The following RCOR1 variants were observed in gnomAD, a reference collection of about 807,000 sequenced individuals.
RCOR1 encodes the protein REST corepressor 1.
Under a neutral mutation model 64.0 loss-of-function variants are expected in RCOR1, and 12 were observed. The ratio of observed to expected loss-of-function variants is 0.19; its 90% confidence interval spans 0.12 to 0.30. RCOR1 has a LOEUF of 0.30. Among genes scored for constraint, RCOR1 ranks in the 10% least tolerant of loss-of-function variants. The pLI, the probability that RCOR1 is intolerant of heterozygous loss-of-function variation, is 1.00. For missense variants in RCOR1, 502 were observed against 621.2 expected, an observed-to-expected ratio of 0.81 and a Z score of 2.04; for synonymous variants, 279 against 227.2, an observed-to-expected ratio of 1.23 and a Z score of -2.05.
At position 102,593,433 on chromosome 14, in the gene RCOR1, G is replaced by A. The variant is rs1475349312; in HGVS notation, c.361+108G>A. 6.7e-6 allele frequency: 8 copies of A among 1,194,158 alleles called. No homozygotes were observed. The African/African-American group carries it at 1.1e-4, about 17-fold the overall frequency. 74.0% of individuals were successfully genotyped at this position (1,194,158 alleles called of 1,614,324 possible). A position where few individuals can be genotyped will look rare whatever the true frequency, so the allele number is the denominator to read the frequency against. ...CCGACAACTTTCTTTTTGTGCGTTC[G>A]CCCTGCCGTCCGTGGGGAGAACAGC... On this transcript the variant is annotated intron_variant, in intron 2 of 11. Coordinates refer to ENST00000262241, the MANE Select transcript of RCOR1 (RefSeq NM_015156.4).
intron 2 of RCOR1, among the ~76,000 whole-genome samples, chr14:102,661,256 G>A (rs1894818575): frequency 6.6e-6 from 1 of 152,192 alleles, no homozygotes; most frequent in Non-Finnish European, 1.5e-5. Flanking sequence ...TCCAAGGTGG[G>A]AGGATTGCCT....
At chr14:102,672,299 A>G (rs1008117418) in intron 2 of RCOR1, among the ~76,000 whole-genome samples, 4 of 151,462 alleles carry the variant, frequency 2.6e-5, no homozygotes, top group African/African-American at 9.7e-5. Context: ...TGCAAGCTCC[A>G]CCTCCTGTTA....
rs1394679865 is a variant in RCOR1, at chr14:102,684,002, G to T, written c.445+2024G>T. On this transcript the variant is annotated intron_variant, in intron 3 of 11. Transcript: ENST00000262241. ...AGCAGCCCTCTCCGCCCCAGCCCCC[G>T]CAGCTCTGACCGTATCCCGCCTCTC... is the stretch of plus-strand genomic sequence containing the variant. Among the ~76,000 whole-genome samples the T allele has an allele frequency of 2.6e-5, 4 of 152,296 alleles. 1 individual carries two copies. In the South Asian group the frequency reaches 6.2e-4, roughly 24 times the overall value.
chr14:102,657,902 T>C lies in RCOR1; in HGVS notation c.362-23993T>C, dbSNP rs183528266. The stretch of plus-strand genomic sequence containing the variant: ...AAACTTGGAACAGGCCAGTTTCCCA[T>C]TATATTGCCTCTCTGAAACAAGTGA... On this transcript the variant is annotated intron_variant, in intron 2 of 11. Coordinates refer to ENST00000262241, the MANE Select transcript of RCOR1 (RefSeq NM_015156.4). 24 of 984,200 alleles carry C rather than the reference T, an allele frequency of 2.4e-5. No individual in the cohort carries two copies. In the East Asian group the frequency reaches 2.5e-3, roughly 103 times the overall value. 61.0% of individuals were successfully genotyped at this position (984,200 alleles called of 1,614,324 possible).
Position 102,714,606 on chromosome 14 carries a change from G to C in RCOR1, c.1042G>C (p.Val348Leu). 1 of 1,607,442 alleles carries C rather than the reference G, an allele frequency of 6.2e-7. No individual in the cohort carries two copies. Among genetic ancestry groups the C allele is most frequent in the East Asian group, 2.2e-5 (1 of 44,806 alleles). The part of the protein sequence containing the change: ...LRQLDMELVS[V>L]KRQIQNIKQT... ...ACAACTAGACATGGAATTGGTTTCAGTCAAACGACAGGTACTCATAAGCCT... is the reference window on the plus strand; with the variant it reads ...ACAACTAGACATGGAATTGGTTTCACTCAAACGACAGGTACTCATAAGCCT... Residue 348 changes from valine (V) to leucine (L), a missense_variant, in exon 8 of 12, where the codon GTC becomes CTC. By Grantham distance (32) the Val-to-Leu change is conservative. Coordinates refer to ENST00000262241, the MANE Select transcript of RCOR1 (RefSeq NM_015156.4).
chr14:102,610,846 G>A (rs2139889331), intron 2 of RCOR1, among the ~76,000 whole-genome samples: 1 of 152,210 alleles, frequency 6.6e-6, no homozygotes, highest in South Asian at 2.1e-4. Context: ...GAGCCACCGT[G>A]CCCAGCCCAA....
rs146413445 is a variant in RCOR1 at position 102,687,998 on chromosome 14, G to T, written c.445+6020G>T. Among the ~76,000 whole-genome samples, 85 of 144,292 alleles carry T rather than the reference G, an allele frequency of 5.9e-4. 2 individuals are homozygous for T. In the East Asian group the frequency reaches 0.015, roughly 26 times the overall value. The allele number at this position is 144,292 out of a possible 152,430, so 94.7% of individuals were successfully genotyped here. A position where few individuals can be genotyped will look rare whatever the true frequency, so the allele number is the denominator to read the frequency against. On this transcript the variant is annotated intron_variant, in intron 3 of 11. Transcript: ENST00000262241. ...TTTTTTTTTTTGAGATAGAGGTCTC[G>T]CTCTGTTGCCCATGCTGGAGTACAG... is the stretch of plus-strand genomic sequence containing the variant.
chr14:102,674,954 C>T (rs556723392), intron 2 of RCOR1, among the ~76,000 whole-genome samples: 1 of 145,408 alleles, frequency 6.9e-6, no homozygotes, highest in Non-Finnish European at 1.5e-5. Context: ...CAGCTACAGG[C>T]TGGGGCAGGA....
At chr14:102,610,093 G>T (rs1392057467) in intron 2 of RCOR1, among the ~76,000 whole-genome samples, 1 of 151,306 alleles carries the variant, frequency 6.6e-6, no homozygotes, top group African/African-American at 2.4e-5. Flanking sequence ...TTGCGCCATT[G>T]CGCTCCAGCC....
intron 2 of RCOR1, among the ~76,000 whole-genome samples, chr14:102,603,628 CT>C (rs890391762): frequency 3.3e-5 from 5 of 150,824 alleles, no homozygotes; most frequent in South Asian, 2.1e-4. Context: ...TGCTATTTTT[CT>C]TTTTTTTCCC....
chr14:102,655,110 CTTTTTTTTTTTT>C (rs67404203), intron 2 of RCOR1: 75 of 104,536 alleles, frequency 7.2e-4, no homozygotes, highest in Non-Finnish European at 8.6e-4. Context: ...CGCGGACAAC[CTTTTTTTTTTTT>C]TTTTTTTTTT....
chr14:102,593,990 T>C (rs1213583536), intron 2 of RCOR1, among the ~76,000 whole-genome samples: 2 of 152,152 alleles, frequency 1.3e-5, no homozygotes, highest in Admixed American at 6.6e-5. Flanking sequence ...GATTGTGAAA[T>C]TGAGAAGCAT....
rs567150223 is a variant in RCOR1 at position 102,716,849 on chromosome 14, T to C, written c.1053+2232T>C. On this transcript the variant is annotated intron_variant, in intron 8 of 11. Transcript: ENST00000262241. The stretch of plus-strand genomic sequence containing the variant: ...ATAAAATTTAGAATTACTTTATCAA[T>C]TTTCAGAAAAATAATTCTATTAGAG... 6.6e-4 allele frequency among the ~76,000 whole-genome samples: 100 copies of C among 152,344 alleles called. 1 individual carries two copies. Among genetic ancestry groups the C allele is most frequent in the Middle Eastern group, 6.8e-3 (2 of 294 alleles).
At chr14:102,641,609 A>G (rs1465491691) in intron 2 of RCOR1, among the ~76,000 whole-genome samples, 1 of 152,154 alleles carries the variant, frequency 6.6e-6, no homozygotes. Context: ...CAATTAAAAA[A>G]AAAATAATAA....
intron 2 of RCOR1, chr14:102,649,743 T>G: frequency 1.0e-6 from 1 of 980,340 alleles, no homozygotes. Flanking sequence ...ATGACCTTCC[T>G]GTAGAGCCAT....
chr14:102,600,045 T>C (rs1226949177), intron 2 of RCOR1, among the ~76,000 whole-genome samples: 1 of 150,612 alleles, frequency 6.6e-6, no homozygotes, highest in Non-Finnish European at 1.5e-5. Flanking sequence ...CACAGGCATG[T>C]GCCTGGCAAT....
chr14:102,627,900 G>T (rs116089223), intron 2 of RCOR1, among the ~76,000 whole-genome samples: 2 of 151,714 alleles, frequency 1.3e-5, no homozygotes, highest in Admixed American at 1.3e-4. Context: ...CTGTGTGTGC[G>T]TGTATATATA....
At chr14:102,698,325 T>A (rs1004140503) in intron 3 of RCOR1, among the ~76,000 whole-genome samples, 1 of 152,204 alleles carries the variant, frequency 6.6e-6, no homozygotes, top group Admixed American at 6.5e-5. Context: ...TCTGAGCAGA[T>A]AACATATGCC....
intron 2 of RCOR1, among the ~76,000 whole-genome samples, chr14:102,629,442 T>TCCCCCCCC (rs34832312): frequency 2.1e-5 from 3 of 145,964 alleles, no homozygotes; most frequent in African/African-American, 7.7e-5. Context: ...CTTAACAGCC[T>TCCCCCCCC]CCCCCCCCCC....
Sources: gnomAD v4.1 joint callset for allele counts (sites outside exome capture counted in the v4.1 genomes callset) on GRCh38, gnomAD v4.1.1 for gene constraint, MANE v1.5 for transcripts, NCBI Gene and HGNC (gene_info 2026-07-23, HGNC 2026-07-21) for gene names.